NCOA2: variants seen among roughly 807,000 people sequenced by gnomAD.
NCOA2 encodes nuclear receptor coactivator 2.
In NCOA2, 21 loss-of-function variants were observed where a neutral mutation model predicts 145.1. That is an observed-to-expected ratio of 0.14 (90% CI 0.10 to 0.21). The LOEUF (loss-of-function observed/expected upper bound fraction) is 0.21, where lower values mean the gene tolerates loss of function less well. Among genes scored for constraint, NCOA2 ranks in the 10% least tolerant of loss-of-function variants. The probability of loss-of-function intolerance (pLI) is 1.00; values close to 1 mark genes in which losing one functional copy is unlikely to be tolerated. For missense variants in NCOA2, 1,472 were observed against 1,837.6 expected (o/e 0.80, Z 3.64); for synonymous variants, 619 against 637.5 (o/e 0.97, Z 0.44).
In NCOA2 at chr8:70,363,315, A is replaced by G. The variant is rs187644700; in HGVS notation, c.-77+40385T>C. Among the ~76,000 whole-genome samples, 893 of 151,718 alleles carry G rather than the reference A, an allele frequency of 5.9e-3. 5 individuals carry two copies. Among genetic ancestry groups the G allele is most frequent in the African/African-American group, 0.02 (833 of 41,342 alleles). On this transcript the variant is annotated intron_variant, in intron 1 of 22. Coordinates refer to ENST00000452400, the MANE Select transcript of NCOA2 (RefSeq NM_006540.4). ...AAAGAATGGTGTGAACCCAGGAGGC[A>G]GAGCTTGCAGTAAGCAGAGATCACG... is the stretch of plus-strand genomic sequence containing the variant.
the NCOA2 span, among the ~76,000 whole-genome samples, chr8:70,428,078 A>G: frequency 6.6e-6 from 1 of 152,024 alleles, no homozygotes; most frequent in South Asian, 2.1e-4. Flanking sequence ...ACAAATAAGG[A>G]AAAAAAATTG....
intron 14 of NCOA2, 75 bp from the exon 15 acceptor site, chr8:70,138,407 A>C: frequency 7.3e-7 from 1 of 1,368,624 alleles, no homozygotes; most frequent in Non-Finnish European, 9.7e-7. Flanking sequence ...ATATAAAGTG[A>C]AATGTCTGGT....
At chr8:70,191,806 C>T (rs368168916) in intron 4 of NCOA2, among the ~76,000 whole-genome samples, 1 of 152,034 alleles carries the variant, frequency 6.6e-6, no homozygotes, top group Non-Finnish European at 1.5e-5. Flanking sequence ...TTTGGGAGGC[C>T]GAAGTGGGTG....
chr8:70,159,072 C>T (rs1812594952), intron 10 of NCOA2, among the ~76,000 whole-genome samples: 1 of 151,366 alleles, frequency 6.6e-6, no homozygotes, highest in Admixed American at 6.6e-5. Context: ...TACTAAAATC[C>T]ATGGATGCTC....
intron 11 of NCOA2, among the ~76,000 whole-genome samples, chr8:70,149,372 C>A (rs556012144): frequency 7.2e-4 from 108 of 149,838 alleles, no homozygotes; most frequent in Admixed American, 2.5e-3. Flanking sequence ...GTAGCTGGGA[C>A]CACAGGCATG....
At chr8:70,143,845 G>A (rs1289836207) in intron 13 of NCOA2, among the ~76,000 whole-genome samples, 1 of 152,198 alleles carries the variant, frequency 6.6e-6, no homozygotes, top group Admixed American at 6.5e-5. Context: ...TTGAGACAGA[G>A]GAAGAAAGCT....
At chr8:70,113,960 C>T (rs1000031129) in intron 22 of NCOA2, among the ~76,000 whole-genome samples, 1 of 152,190 alleles carries the variant, frequency 6.6e-6, no homozygotes, top group Non-Finnish European at 1.5e-5. Context: ...AGCTCAATTT[C>T]ATTTCTCCCA....
intron 4 of NCOA2, among the ~76,000 whole-genome samples, chr8:70,192,676 T>C (rs1210531124): frequency 6.6e-6 from 1 of 152,246 alleles, no homozygotes; most frequent in African/African-American, 2.4e-5. Flanking sequence ...TATATGGATG[T>C]GTTGATCAAT....
At chr8:70,402,884 C>T (rs1814466245) in intron 1 of NCOA2, among the ~76,000 whole-genome samples, 1 of 145,952 alleles carries the variant, frequency 6.9e-6, no homozygotes, top group South Asian at 2.1e-4. Context: ...CCCCGGCTCC[C>T]CGCCCCCACC....
intron 1 of NCOA2, among the ~76,000 whole-genome samples, chr8:70,299,860 A>T (rs576039827): frequency 1.3e-5 from 2 of 152,360 alleles, no homozygotes; most frequent in East Asian, 3.9e-4. Flanking sequence ...TATTGTCCAC[A>T]ATAGCCAAAA....
At chr8:70,303,118 T>C (rs941302644) in intron 1 of NCOA2, among the ~76,000 whole-genome samples, 2 of 152,186 alleles carry the variant, frequency 1.3e-5, no homozygotes. Flanking sequence ...TGTAGTTGAA[T>C]GTACAAAGTT....
intron 4 of NCOA2, among the ~76,000 whole-genome samples, chr8:70,203,210 C>A (rs886888580): frequency 2.2e-4 from 33 of 148,384 alleles, no homozygotes; most frequent in African/African-American, 6.7e-4. Flanking sequence ...TTGCAGTGAG[C>A]CGAGATCGCA....
the NCOA2 span, among the ~76,000 whole-genome samples, chr8:70,412,584 G>T: frequency 2.1e-5 from 3 of 141,540 alleles, no homozygotes; most frequent in Non-Finnish European, 4.5e-5. Flanking sequence ...GGAGGCAGAG[G>T]TTGCAGTGAG....
At chr8:70,241,322 A>G (rs973500625) in intron 2 of NCOA2, among the ~76,000 whole-genome samples, 1 of 152,164 alleles carries the variant, frequency 6.6e-6, no homozygotes, top group African/African-American at 2.4e-5. Context: ...GGCAATTCAT[A>G]GTCACTCTGT....
At chr8:70,265,693 T>C (rs138195943) in intron 2 of NCOA2, among the ~76,000 whole-genome samples, 2 of 152,240 alleles carry the variant, frequency 1.3e-5, no homozygotes, top group South Asian at 2.1e-4. Flanking sequence ...TGGAATGCCA[T>C]CCCTACTGTT....
At chr8:70,162,123 TGA>T (rs139301349) in intron 9 of NCOA2, among the ~76,000 whole-genome samples, 6,880 of 152,174 alleles carry the variant, frequency 0.045, 257 homozygotes, top group East Asian at 0.16. Context: ...TGAGGGCCAG[TGA>T]GAGGAGGCAA....
chr8:70,180,027 C>T (rs1420134920), intron 4 of NCOA2, among the ~76,000 whole-genome samples: 2 of 152,196 alleles, frequency 1.3e-5, no homozygotes, highest in East Asian at 1.9e-4. Context: ...GCAATCTTCT[C>T]GCCTTGGCCT....
the NCOA2 span, among the ~76,000 whole-genome samples, chr8:70,440,500 G>A: frequency 6.6e-6 from 1 of 152,096 alleles, no homozygotes; most frequent in African/African-American, 2.4e-5. Context: ...CTTGAACCTG[G>A]GAGGCAGAGG....
At chr8:70,161,821 T>G (rs1018988339) in intron 9 of NCOA2, among the ~76,000 whole-genome samples, 10 of 152,142 alleles carry the variant, frequency 6.6e-5, no homozygotes, top group Non-Finnish European at 1.3e-4. Flanking sequence ...CCAACCGCAC[T>G]GCTGGGACAC....
Sources: allele counts gnomAD v4.1 joint callset (sites outside exome capture counted in the v4.1 genomes callset), GRCh38; gene constraint gnomAD v4.1.1; transcripts MANE v1.5; gene names NCBI Gene and HGNC (gene_info 2026-07-23, HGNC 2026-07-21).